GUCA1C: variants seen among roughly 807,000 people sequenced by gnomAD.
GUCA1C encodes the protein guanylate cyclase activator 1C.
Under a neutral mutation model 16.2 loss-of-function variants are expected in GUCA1C, and 15 were observed. That is an observed-to-expected ratio of 0.93 (90% CI 0.62 to 1.43). GUCA1C has a LOEUF of 1.43. Among genes scored for constraint, GUCA1C ranks in the 40% most tolerant of loss-of-function variants. GUCA1C has a pLI of 0.00. For missense variants in GUCA1C, 275 were observed against 244.8 expected, an observed-to-expected ratio of 1.12 and a Z score of -0.82; for synonymous variants, 78 against 85.4, an observed-to-expected ratio of 0.91 and a Z score of 0.48.
chr3:108,938,143 T>C (rs1045662441), intron 1 of GUCA1C, among the ~76,000 whole-genome samples: 2 of 152,170 alleles, frequency 1.3e-5, no homozygotes, highest in African/African-American at 2.4e-5. Context: ...ATGTACTCTC[T>C]AATTTAGGAA....
chr3:108,919,983 T>C (rs1946554490), intron 2 of GUCA1C, among the ~76,000 whole-genome samples: 1 of 152,138 alleles, frequency 6.6e-6, no homozygotes, highest in Non-Finnish European at 1.5e-5. Flanking sequence ...ACTTTAGATA[T>C]GGAAAAGATC....
intron 1 of GUCA1C, among the ~76,000 whole-genome samples, chr3:108,943,525 G>A (rs1202348213): frequency 6.6e-6 from 1 of 152,118 alleles, no homozygotes; most frequent in African/African-American, 2.4e-5. Context: ...AGGAGATAAG[G>A]AGGGGGACTA....
chr3:108,914,861 G>A lies in GUCA1C; in HGVS notation c.442+1266C>T, dbSNP rs998991507. 1.1e-4 allele frequency among the ~76,000 whole-genome samples: 16 copies of A among 152,212 alleles called. 1 individual carries two copies. Among genetic ancestry groups the A allele is most frequent in the African/African-American group, 3.1e-4 (13 of 41,524 alleles). On this transcript the variant is annotated intron_variant, in intron 3 of 3. Transcript: ENST00000261047. ...TTCTCTGGTCCTTTCCTGGCTGCAC[G>A]TAGCCTCCTTATCTACTCTGGGTAG...
chr3:108,932,734 C>G (rs928922952), intron 1 of GUCA1C, among the ~76,000 whole-genome samples: 2 of 151,986 alleles, frequency 1.3e-5, no homozygotes, highest in African/African-American at 4.8e-5. Context: ...CAAGCCTGAC[C>G]AACATGGAGA....
At chr3:108,928,904 T>A (rs1946644301) in intron 1 of GUCA1C, among the ~76,000 whole-genome samples, 1 of 152,218 alleles carries the variant, frequency 6.6e-6, no homozygotes, top group Non-Finnish European at 1.5e-5. Flanking sequence ...TCCTTCAATA[T>A]TATATTGGCG....
At chr3:108,933,069 T>C (rs999646489) in intron 1 of GUCA1C, among the ~76,000 whole-genome samples, 1 of 152,224 alleles carries the variant, frequency 6.6e-6, no homozygotes, top group Non-Finnish European at 1.5e-5. Flanking sequence ...CTCTCTCATC[T>C]GCTTCTCCAC....
chr3:108,920,476 T>C lies in GUCA1C; in HGVS notation c.314A>G (p.Asn105Ser). The change falls in exon 2 of 4, where the codon AAT (asparagine) becomes AGT (serine). Residue 105 changes from asparagine to serine, a missense_variant. By Grantham distance (46) the Asn-to-Ser change is conservative (BLOSUM62 1). Coordinates refer to ENST00000261047, the MANE Select transcript of GUCA1C (RefSeq NM_005459.4). ...TAGTTCATTTTTGTCAATAGAACCA[T>C]TTCCATCAGCATCATACAGCTTAAA... ...WYFKLYDADG[N>S]GSIDKNELLD... The C allele has an allele frequency of 6.2e-7, 1 of 1,607,830 alleles. No homozygotes were observed. Among genetic ancestry groups the C allele is most frequent in the Non-Finnish European group, 8.5e-7 (1 of 1,174,592 alleles).
At chr3:108,936,567 T>C (rs1024469813) in intron 1 of GUCA1C, among the ~76,000 whole-genome samples, 2 of 152,264 alleles carry the variant, frequency 1.3e-5, no homozygotes, top group Non-Finnish European at 1.5e-5. Context: ...AGGCCTTGGT[T>C]TTTGGTACCA....
At chr3:108,935,969 T>C (rs1424836024) in intron 1 of GUCA1C, among the ~76,000 whole-genome samples, 2 of 152,102 alleles carry the variant, frequency 1.3e-5, no homozygotes, top group Non-Finnish European at 2.9e-5. Flanking sequence ...AGTTAAATTA[T>C]AAGGCTTATA....
intron 1 of GUCA1C, among the ~76,000 whole-genome samples, chr3:108,939,307 T>C (rs1337135189): frequency 1.4e-5 from 2 of 144,212 alleles, no homozygotes; most frequent in Admixed American, 7.1e-5. Flanking sequence ...ACTGTTAATA[T>C]ATTACTTGCT....
chr3:108,941,706 G>C (rs757070164), intron 1 of GUCA1C, among the ~76,000 whole-genome samples: 45 of 152,174 alleles, frequency 3.0e-4, no homozygotes, highest in Non-Finnish European at 5.0e-4. Context: ...GTGTGGCCCT[G>C]AGGGCCATTT....
At chr3:108,953,927 T>C, upstream of GUCA1C, 1 of 595,294 alleles carries the variant, frequency 1.7e-6, no homozygotes, top group Non-Finnish European at 3.0e-6. Flanking sequence ...GCCAGTGAGA[T>C]TAACTTATCT....
At chr3:108,910,311 A>G (rs969868733) in intron 3 of GUCA1C, among the ~76,000 whole-genome samples, 3 of 152,104 alleles carry the variant, frequency 2.0e-5, no homozygotes, top group Non-Finnish European at 2.9e-5. Context: ...AGTCTGGCCA[A>G]CATAGTGGAA....
chr3:108,934,043 T>C (rs1469773502), intron 1 of GUCA1C, among the ~76,000 whole-genome samples: 1 of 152,204 alleles, frequency 6.6e-6, no homozygotes, highest in African/African-American at 2.4e-5. Context: ...TGGATGAATC[T>C]GGAAACCATC....
intron 3 of GUCA1C, among the ~76,000 whole-genome samples, chr3:108,910,903 G>T (rs1237001535): frequency 6.6e-6 from 1 of 151,912 alleles, no homozygotes; most frequent in Non-Finnish European, 1.5e-5. Flanking sequence ...ACCCACCTCG[G>T]CCCCCCAAAG....
At chr3:108,916,738 C>A (rs891611191) in intron 2 of GUCA1C, among the ~76,000 whole-genome samples, 1 of 152,150 alleles carries the variant, frequency 6.6e-6, no homozygotes, top group African/African-American at 2.4e-5. Context: ...TGAATTTCTC[C>A]CACATACTGT....
intron 3 of GUCA1C, among the ~76,000 whole-genome samples, chr3:108,911,521 T>C: frequency 6.6e-6 from 1 of 152,220 alleles, no homozygotes; most frequent in East Asian, 1.9e-4. Context: ...GGGAGGATGC[T>C]GGTGAAGATT....
intron 1 of GUCA1C, among the ~76,000 whole-genome samples, chr3:108,951,898 C>T (rs1460654932): frequency 6.6e-6 from 1 of 152,212 alleles, no homozygotes; most frequent in Non-Finnish European, 1.5e-5. Context: ...CTTCATCTGA[C>T]AGCAGATCCT....
intron 3 of GUCA1C, among the ~76,000 whole-genome samples, chr3:108,910,665 T>A (rs1946443041): frequency 6.6e-6 from 1 of 151,994 alleles, no homozygotes; most frequent in Non-Finnish European, 1.5e-5. Flanking sequence ...TCTTCTTTTT[T>A]TTGAGACGGA....
Sources: gnomAD v4.1 joint callset for allele counts (sites outside exome capture counted in the v4.1 genomes callset) on GRCh38, gnomAD v4.1.1 for gene constraint, MANE v1.5 for transcripts, NCBI Gene and HGNC (gene_info 2026-07-23, HGNC 2026-07-21) for gene names.